Variants in EPHX4 observed in about 807,000 individuals in gnomAD.
The protein encoded by EPHX4 is epoxide hydrolase 4, also known as abhydrolase domain containing 7.
In EPHX4, 31 loss-of-function variants were observed where a neutral mutation model predicts 44.9. The observed-to-expected ratio is 0.69, with a 90% CI of 0.52 to 0.93. EPHX4 has a LOEUF of 0.93. EPHX4 is among the 40% of genes least tolerant of loss of function. EPHX4 has a pLI of 0.00. For missense variants in EPHX4, 373 were observed against 438.1 expected (o/e 0.85, Z 1.33); for synonymous variants, 151 against 159.7 (o/e 0.95, Z 0.41).
intron 1 of EPHX4, 145 bp from the exon 2 acceptor site, chr1:92,032,360 A>G: frequency 1.6e-6 from 1 of 613,144 alleles, no homozygotes; most frequent in Non-Finnish European, 2.9e-6. Flanking sequence ...AAAATAAGGC[A>G]ACTGAGTGTC....
intron 2 of EPHX4, among the ~76,000 whole-genome samples, chr1:92,040,200 G>T (rs1339337075): frequency 8.3e-6 from 1 of 120,142 alleles, no homozygotes; most frequent in African/African-American, 3.0e-5. Flanking sequence ...TTTTTTGGCA[G>T]GTTCTGGCTC....
At chr1:92,035,474 A>G (rs1688424287) in intron 2 of EPHX4, among the ~76,000 whole-genome samples, 1 of 152,220 alleles carries the variant, frequency 6.6e-6, no homozygotes, top group South Asian at 2.1e-4. Flanking sequence ...GCCCCAGTGA[A>G]TATTCAGTAA....
At chr1:92,043,094 G>A in intron 3 of EPHX4, 114 bp downstream of exon 3, 2 of 855,566 alleles carry the variant, frequency 2.3e-6, no homozygotes, top group Non-Finnish European at 3.5e-6. Flanking sequence ...AAATTATCTG[G>A]ATCCTGTCAC....
At chr1:92,054,587 C>CAAAAAA (rs745316500) in intron 6 of EPHX4, among the ~76,000 whole-genome samples, 3 of 54,652 alleles carry the variant, frequency 5.5e-5, no homozygotes, top group Middle Eastern at 0.012. Context: ...GACTCCATCT[C>CAAAAAA]AAAAAAAAAA....
In EPHX4 at chr1:92,030,210, G is replaced by A. The variant is rs765877867; in HGVS notation, c.131G>A (p.Gly44Asp). Reference sequence around the variant, plus strand: ...CTGCTCAAACTTTTGTGGAGCCTCGGCAAGGGGCCGGCGCAGACCTTCCGG... The same window carrying A: ...CTGCTCAAACTTTTGTGGAGCCTCGACAAGGGGCCGGCGCAGACCTTCCGG... ...IHLLKLLWSL[G>D]KGPAQTFRRP... Residue 44 changes from glycine (G) to aspartate (D), a missense_variant, in exon 1 of 7, where the codon GGC becomes GAC. By Grantham distance (94) the Gly-to-Asp change is moderately conservative (BLOSUM62 -1). Transcript: ENST00000370383. 3.7e-6 allele frequency: 6 copies of A among 1,606,780 alleles called. No individual in the cohort carries two copies. The East Asian group carries it at 6.7e-5, about 18-fold the overall frequency.
At chr1:92,032,839 C>G (rs1688381474) in intron 2 of EPHX4, among the ~76,000 whole-genome samples, 1 of 152,142 alleles carries the variant, frequency 6.6e-6, no homozygotes, top group Non-Finnish European at 1.5e-5. Flanking sequence ...ATTGCCCTTT[C>G]ATAGTGGCAT....
intron 6 of EPHX4, among the ~76,000 whole-genome samples, chr1:92,057,245 A>C (rs909495893): frequency 6.6e-6 from 1 of 152,190 alleles, no homozygotes; most frequent in African/African-American, 2.4e-5. Context: ...TGGCAAAACC[A>C]AAAACTGATT....
intron 4 of EPHX4, among the ~76,000 whole-genome samples, chr1:92,050,006 G>C (rs1647222040): frequency 6.6e-6 from 1 of 152,036 alleles, no homozygotes; most frequent in African/African-American, 2.4e-5. Flanking sequence ...AGCTGAGGCA[G>C]GAGAATCGCT....
At position 92,034,196 on chromosome 1, in the gene EPHX4, A is replaced by T. The variant is rs1267423166; in HGVS notation, c.317+1606A>T. Among the ~76,000 whole-genome samples, 4 of 145,194 alleles carry T rather than the reference A, an allele frequency of 2.8e-5. No individual in the cohort carries two copies. The East Asian group carries it at 8.7e-4, about 31-fold the overall frequency. On this transcript the variant is annotated intron_variant, in intron 2 of 6. Transcript: ENST00000370383. ...GCGCCTGTACTCCCAGCTACTCGGG[A>T]GGCTGAGGCAGGAGAATGGTGTGAA...
intron 1 of EPHX4, 61 bp downstream of exon 1, chr1:92,030,371 G>A (rs1024722776): frequency 5.0e-6 from 7 of 1,388,906 alleles, no homozygotes; most frequent in Non-Finnish European, 6.6e-6. Flanking sequence ...GAGGGTGGGG[G>A]GCTCCGGGCT....
chr1:92,035,107 TC>T (rs1688420271), intron 2 of EPHX4, among the ~76,000 whole-genome samples: 2 of 152,204 alleles, frequency 1.3e-5, no homozygotes, highest in Non-Finnish European at 2.9e-5. Context: ...TAGAAGATTT[TC>T]CCTGCATGAA....
At chr1:92,041,768 C>T (rs1353841185) in intron 2 of EPHX4, among the ~76,000 whole-genome samples, 1 of 152,188 alleles carries the variant, frequency 6.6e-6, no homozygotes, top group East Asian at 1.9e-4. Context: ...TGGCCAGGTG[C>T]AGTGGCTTAC....
chr1:92,051,261 C>A lies in EPHX4; in HGVS notation c.708+841C>A, dbSNP rs537719680. Among the ~76,000 whole-genome samples, 51 of 150,068 alleles carry A rather than the reference C, an allele frequency of 3.4e-4. No homozygotes were observed. The South Asian group carries it at 8.4e-3, about 25-fold the overall frequency. On this transcript the variant is annotated intron_variant, in intron 5 of 6. Coordinates refer to ENST00000370383, the MANE Select transcript of EPHX4 (RefSeq NM_173567.5). ...GGATAAGAACTTAAAAAAAAAAAAACCCAATGCCACTATCAAACCTAACAG... is the reference window on the plus strand; with the variant it reads ...GGATAAGAACTTAAAAAAAAAAAAAACCAATGCCACTATCAAACCTAACAG...
intron 2 of EPHX4, among the ~76,000 whole-genome samples, chr1:92,039,401 A>G (rs1216246769): frequency 6.6e-6 from 1 of 152,196 alleles, no homozygotes; most frequent in African/African-American, 2.4e-5. Flanking sequence ...ATAAATATTT[A>G]AGAGGTTAAA....
chr1:92,060,917 G>C (rs1004932292), intron 6 of EPHX4, among the ~76,000 whole-genome samples: 1 of 149,152 alleles, frequency 6.7e-6, no homozygotes, highest in Admixed American at 6.7e-5. Context: ...AGTTTGCTCT[G>C]TTCCCCAGAC....
chr1:92,063,248 T>C lies in EPHX4; in HGVS notation c.1051T>C (p.Trp351Arg), dbSNP rs201731090. 6.2e-6 allele frequency: 10 copies of C among 1,602,904 alleles called. No individual in the cohort carries two copies. The highest frequency in any genetic ancestry group is 7.7e-6 in the Non-Finnish European group (9 of 1,171,610). The stretch of plus-strand genomic sequence containing the variant: ...ACCTGACATAGTGAACAAATTGATA[T>C]GGACATTTCTAAAAGAAGAAACAAG... The part of the protein sequence containing the change: ...DQPDIVNKLI[W>R]TFLKEETRKK... Residue 351 changes from tryptophan to arginine, a missense_variant, in exon 7 of 7, where the codon TGG (tryptophan) becomes CGG (arginine). Coordinates refer to ENST00000370383, the MANE Select transcript of EPHX4 (RefSeq NM_173567.5).
intron 5 of EPHX4, among the ~76,000 whole-genome samples, chr1:92,051,999 G>C (rs1272088080): frequency 6.6e-6 from 1 of 152,084 alleles, no homozygotes; most frequent in Non-Finnish European, 1.5e-5. Context: ...AACTTTTAGA[G>C]TAATGAATAT....
rs1424441037 is a variant in EPHX4, at chr1:92,030,246, G to T, written c.167G>T (p.Arg56Leu). ...GCGCAGACCTTCCGGCGGCCCGCCC[G>T]GGAGCACCCTCCCGCGTGCCTGAGC... Reference protein sequence around the residue: ...GPAQTFRRPAREHPPACLSDP... With the variant: ...GPAQTFRRPALEHPPACLSDP... The change falls in exon 1 of 7, where the codon CGG becomes CTG. Residue 56 changes from arginine (R) to leucine (L), a missense_variant. By Grantham distance (102) the Arg-to-Leu change is moderately radical. Transcript: ENST00000370383. 3 of 1,603,384 alleles carry T rather than the reference G, an allele frequency of 1.9e-6. No homozygotes were observed. The highest frequency in any genetic ancestry group is 2.6e-6 in the Non-Finnish European group (3 of 1,175,318).
At chr1:92,035,244 C>T (rs1001961347) in intron 2 of EPHX4, among the ~76,000 whole-genome samples, 6 of 152,138 alleles carry the variant, frequency 3.9e-5, no homozygotes, top group Non-Finnish European at 7.3e-5. Context: ...CAGTGCAATT[C>T]GAGCATATGC....
Sources: allele counts gnomAD v4.1 joint callset (sites outside exome capture counted in the v4.1 genomes callset), GRCh38; gene constraint gnomAD v4.1.1; transcripts MANE v1.5; gene names NCBI Gene and HGNC (gene_info 2026-07-23, HGNC 2026-07-21).